Variants in NYNRIN observed in about 807,000 individuals in gnomAD.
The protein encoded by NYNRIN is NYN domain and retroviral integrase containing, also known as protein NYNRIN.
Under a neutral mutation model 146.6 loss-of-function variants are expected in NYNRIN, and 86 were observed. The ratio of observed to expected loss-of-function variants is 0.59; its 90% confidence interval spans 0.49 to 0.70. The LOEUF (loss-of-function observed/expected upper bound fraction) is 0.70. NYNRIN is among the 30% of genes least tolerant of loss of function. The pLI is 0.00. For missense variants in NYNRIN, 2,191 were observed against 2,377.7 expected, an observed-to-expected ratio of 0.92 and a Z score of 1.63; for synonymous variants, 1,027 against 1,001.3, an observed-to-expected ratio of 1.03 and a Z score of -0.48.
chr14:24,415,309 C>T lies in NYNRIN; in HGVS notation c.3560C>T (p.Ala1187Val), dbSNP rs1359575549. Reference sequence around the variant, plus strand: ...CACTCAGGGAGGAAGCACCCCATAGCCTATACCTCAAAACCCCTCCTCCCT... The same window carrying T: ...CACTCAGGGAGGAAGCACCCCATAGTCTATACCTCAAAACCCCTCCTCCCT... ...QEHSGRKHPI[A>V]YTSKPLLPDE... Residue 1187 changes from alanine to valine, a missense_variant, in exon 9 of 9, where the codon GCC becomes GTC. Ala to Val is a moderately conservative substitution (Grantham distance 64, BLOSUM62 0). Coordinates refer to ENST00000382554, the MANE Select transcript of NYNRIN (RefSeq NM_025081.3). 3.7e-6 allele frequency: 6 copies of T among 1,613,856 alleles called. No homozygotes were observed. The highest frequency in any genetic ancestry group is 5.1e-6 in the Non-Finnish European group (6 of 1,179,880).
rs1248053885 is a variant in NYNRIN at position 24,416,985 on chromosome 14, C to T, written c.5236C>T (p.Leu1746=). 1 of 1,585,372 alleles carries T rather than the reference C, an allele frequency of 6.3e-7. No individual in the cohort carries two copies. The highest frequency in any genetic ancestry group is 1.2e-5 in the South Asian group (1 of 86,916). ...KWAASLPLLH[L]AFRASSTDAT... ...GGCGGCCTCCCTGCCTTTGCTGCAC[C>T]TGGCCTTCAGGGCCTCCTCCACTGA... The change falls in exon 9 of 9, where the codon CTG becomes TTG. Residue 1746 remains leucine (L), a synonymous_variant. Coordinates refer to ENST00000382554, the MANE Select transcript of NYNRIN (RefSeq NM_025081.3).
intron 3 of NYNRIN, 35 bp downstream of exon 3, chr14:24,408,562 C>G: frequency 6.5e-7 from 1 of 1,542,156 alleles, no homozygotes; most frequent in East Asian, 2.3e-5. Flanking sequence ...CTTCTCTGAT[C>G]CTACCCCTGC....
rs376814274 is a variant in NYNRIN at position 24,413,355 on chromosome 14, G to T, written c.2784G>T (p.Val928=). ...CCTTTGCGGGGAATCTCTTCATGGT[G>T]CCTGATGACCCCCTGGGCCGTGATG... The part of the protein sequence containing the change: ...PFTFAGNLFM[V]PDDPLGRDGP... The change falls in exon 8 of 9, where the codon GTG becomes GTT. Residue 928 remains valine, a synonymous_variant. Coordinates refer to ENST00000382554, the MANE Select transcript of NYNRIN (RefSeq NM_025081.3). The T allele has an allele frequency of 6.8e-6, 11 of 1,613,602 alleles. No homozygotes were observed. The highest frequency in any genetic ancestry group is 9.3e-6 in the Non-Finnish European group (11 of 1,179,750).
At chr14:24,413,779 G>T (rs1363138151) in intron 8 of NYNRIN, among the ~76,000 whole-genome samples, 4 of 152,118 alleles carry the variant, frequency 2.6e-5, no homozygotes, top group Non-Finnish European at 5.9e-5. Flanking sequence ...CTGTTTTCTT[G>T]TTGAGGGCCA....
rs757122054 is a variant in NYNRIN, at chr14:24,409,282, G to C, written c.1488G>C (p.Gly496=). ...TPQLQAGGEP[G]DQGSMQLDFK... is the part of the protein sequence containing the mutation. ...AACTACAGGCTGGAGGTGAGCCGGGGGATCAAGGGAGTATGCAGTTAGATT... is the reference window on the plus strand; with the variant it reads ...AACTACAGGCTGGAGGTGAGCCGGGCGATCAAGGGAGTATGCAGTTAGATT... Residue 496 remains glycine (G), a synonymous_variant, in exon 4 of 9, where the codon GGG becomes GGC. Transcript: ENST00000382554. The C allele has an allele frequency of 6.8e-6, 11 of 1,613,936 alleles. No individual in the cohort carries two copies. The highest frequency in any genetic ancestry group is 7.6e-6 in the Non-Finnish European group (9 of 1,179,910).
At position 24,409,854 on chromosome 14, in the gene NYNRIN, C is replaced by T. The variant is rs554700851; in HGVS notation, c.2060C>T (p.Pro687Leu). The stretch of plus-strand genomic sequence containing the variant: ...AAAACACCTGCAGCTCAGAAGGTGC[C>T]CACGGATGCAGGGCCAACCTTGGAT... Reference protein sequence around the residue: ...APKTPAAQKVPTDAGPTLDVA... With the variant: ...APKTPAAQKVLTDAGPTLDVA... The change falls in exon 4 of 9, where the codon CCC becomes CTC. Residue 687 changes from proline to leucine, a missense_variant. Physicochemically the swap from Pro to Leu is moderately conservative, Grantham distance 98. Coordinates refer to ENST00000382554, the MANE Select transcript of NYNRIN (RefSeq NM_025081.3). 11 of 1,613,458 alleles carry T rather than the reference C, an allele frequency of 6.8e-6. No homozygotes were observed. The East Asian group carries it at 2.5e-4, about 36-fold the overall frequency.
rs1327723230 is a variant in NYNRIN at position 24,410,113 on chromosome 14, G to A, written c.2319G>A (p.Glu773=). 1.2e-6 allele frequency: 2 copies of A among 1,613,964 alleles called. No individual in the cohort carries two copies. The highest frequency in any genetic ancestry group is 1.7e-6 in the Non-Finnish European group (2 of 1,179,902). ...STVTSFQRYH[E]ALNTPFELNL... is the part of the protein sequence containing the mutation. Reference sequence around the variant, plus strand: ...TGACCAGCTTCCAGAGGTACCACGAGGCCCTGAATACACCCTTCGAGCTGA... The same window carrying A: ...TGACCAGCTTCCAGAGGTACCACGAAGCCCTGAATACACCCTTCGAGCTGA... The change falls in exon 4 of 9, where the codon GAG becomes GAA. Residue 773 remains glutamate, a synonymous_variant. Coordinates refer to ENST00000382554, the MANE Select transcript of NYNRIN (RefSeq NM_025081.3).
chr14:24,408,934 C>T lies in NYNRIN; in HGVS notation c.1140C>T (p.Ala380=). ...ATGAGCTGCATTCTCTACATCTGGCCTGGCTCCTGTCCCAGGCGTGCTTCA... is the reference window on the plus strand; with the variant it reads ...ATGAGCTGCATTCTCTACATCTGGCTTGGCTCCTGTCCCAGGCGTGCTTCA... The part of the protein sequence containing the change: ...RINELHSLHL[A]WLLSQACFNF... The change falls in exon 4 of 9, where the codon GCC becomes GCT. Residue 380 remains alanine (A), a synonymous_variant. Transcript: ENST00000382554. The T allele has an allele frequency of 6.2e-7, 1 of 1,614,016 alleles. No individual in the cohort carries two copies. Among genetic ancestry groups the T allele is most frequent in the South Asian group, 1.1e-5 (1 of 91,078 alleles).
In NYNRIN at chr14:24,411,661, G is replaced by A. The variant is rs1057463742; in HGVS notation, c.2642+211G>A. Among the ~76,000 whole-genome samples, 2 of 152,302 alleles carry A rather than the reference G, an allele frequency of 1.3e-5. No individual in the cohort carries two copies. The highest frequency in any genetic ancestry group is 4.8e-5 in the African/African-American group (2 of 41,572). On this transcript the variant is annotated intron_variant, in intron 6 of 8. Transcript: ENST00000382554. The surrounding 1 kb of genome is among the most constrained non-coding windows in gnomAD (Gnocchi z 4.3). ...CTTGAGGTTGGCTCTCCCCAAGCCC[G>A]GAGTTGTTTCTGACTTTGGGACTCT... is the stretch of plus-strand genomic sequence containing the variant.
Position 24,409,671 on chromosome 14 carries a change from A to G in NYNRIN, c.1877A>G (p.Gln626Arg), listed in dbSNP as rs757756582. ...QVEPTTPKTP[Q>R]AQKMPVAKTS... Reference sequence around the variant, plus strand: ...GAACCCACAACTCCAAAAACTCCCCAGGCTCAGAAGATGCCTGTAGCAAAA... The same window carrying G: ...GAACCCACAACTCCAAAAACTCCCCGGGCTCAGAAGATGCCTGTAGCAAAA... Residue 626 changes from glutamine (Q) to arginine (R), a missense_variant, in exon 4 of 9, where the codon CAG (glutamine) becomes CGG (arginine). Gln to Arg is a conservative substitution (Grantham distance 43, BLOSUM62 1). Transcript: ENST00000382554. 12 of 1,607,092 alleles carry G rather than the reference A, an allele frequency of 7.5e-6. No individual in the cohort carries two copies. In the Admixed American group the frequency reaches 8.5e-5, roughly 11 times the overall value.
chr14:24,405,923 A>G (rs940106533), intron 2 of NYNRIN, among the ~76,000 whole-genome samples: 2 of 152,106 alleles, frequency 1.3e-5, no homozygotes, highest in Non-Finnish European at 2.9e-5. Flanking sequence ...GCACTTTAGG[A>G]GTCTGAGGCG....
chr14:24,413,186 G>A, intron 7 of NYNRIN, 88 bp downstream of exon 7: 1 of 1,333,984 alleles, frequency 7.5e-7, no homozygotes, highest in Non-Finnish European at 1.1e-6. Flanking sequence ...CTGGAAGAGA[G>A]GCCTTGGAGT....
At position 24,408,928 on chromosome 14, in the gene NYNRIN, T is replaced by C; in HGVS notation, c.1134T>C (p.His378=). 1 of 1,614,008 alleles carries C rather than the reference T, an allele frequency of 6.2e-7. No homozygotes were observed. Among genetic ancestry groups the C allele is most frequent in the Non-Finnish European group, 8.5e-7 (1 of 1,179,896 alleles). The part of the protein sequence containing the change: ...FWRINELHSL[H]LAWLLSQACF... ...GGATCAATGAGCTGCATTCTCTACATCTGGCCTGGCTCCTGTCCCAGGCGT... is the reference window on the plus strand; with the variant it reads ...GGATCAATGAGCTGCATTCTCTACACCTGGCCTGGCTCCTGTCCCAGGCGT... The change falls in exon 4 of 9, where the codon CAT becomes CAC. Residue 378 remains histidine, a synonymous_variant. Transcript: ENST00000382554.
At chr14:24,406,201 A>AAAAATAAAATAAAATAAAATAAT (rs2042873999) in intron 2 of NYNRIN, among the ~76,000 whole-genome samples, 1 of 127,860 alleles carries the variant, frequency 7.8e-6, no homozygotes, top group Non-Finnish European at 1.6e-5. Context: ...CTCTGCCTCA[A>AAAAATAAAATAAAATAAAATAAT]AAAATAAAAT....
chr14:24,417,306 G>T lies in NYNRIN; in HGVS notation c.5557G>T (p.Gly1853Trp). 1 of 1,613,308 alleles carries T rather than the reference G, an allele frequency of 6.2e-7. No individual in the cohort carries two copies. Among genetic ancestry groups the T allele is most frequent in the Non-Finnish European group, 8.5e-7 (1 of 1,179,588 alleles). Residue 1853 changes from glycine (G) to tryptophan (W), a missense_variant, in exon 9 of 9, where the codon GGG becomes TGG. Gly to Trp is a radical substitution (Grantham distance 184, BLOSUM62 -2). Coordinates refer to ENST00000382554, the MANE Select transcript of NYNRIN (RefSeq NM_025081.3). ...SAKWVGPFYI[G>W]DRLSLSLYRI... is the part of the protein sequence containing the mutation. The stretch of plus-strand genomic sequence containing the variant: ...CAAATGGGTGGGTCCCTTCTATATC[G>T]GGGACCGGCTGAGCCTGTCACTCTA...
rs767253660 is a variant in NYNRIN, at chr14:24,409,515, G to A, written c.1721G>A (p.Arg574Gln). The A allele has an allele frequency of 4.3e-6, 7 of 1,613,166 alleles. No homozygotes were observed. Among genetic ancestry groups the A allele is most frequent in the South Asian group, 2.2e-5 (2 of 90,922 alleles). Residue 574 changes from arginine to glutamine, a missense_variant, in exon 4 of 9, where the codon CGA (arginine) becomes CAA (glutamine). Around this residue, in one of 3 missense-constraint regions of NYNRIN, gnomAD observed 895 missense variants for 941.2 expected, o/e 0.95. Coordinates refer to ENST00000382554, the MANE Select transcript of NYNRIN (RefSeq NM_025081.3). ...GCAGCTCCCAAACTGCCTACATCTC[G>A]AATGATGCTGGCAGTGCACACAGAG... ...PSAAPKLPTSRMMLAVHTEPA... is the reference protein window; with the variant it reads ...PSAAPKLPTSQMMLAVHTEPA...
chr14:24,408,518 A>G lies in NYNRIN; in HGVS notation c.848A>G (p.Gln283Arg), dbSNP rs748289213. 5.9e-5 allele frequency: 92 copies of G among 1,572,260 alleles called. No homozygotes were observed. The East Asian group carries it at 1.8e-3, about 31-fold the overall frequency. The change falls in exon 3 of 9, where the codon CAG becomes CGG. Residue 283 changes from glutamine to arginine, a missense_variant. Around this residue, in one of 3 missense-constraint regions of NYNRIN, gnomAD observed 895 missense variants for 941.2 expected, o/e 0.95. Coordinates refer to ENST00000382554, the MANE Select transcript of NYNRIN (RefSeq NM_025081.3). ...AQSTPQEAAN[Q>R]LVRVGSNNQD... Reference sequence around the variant, plus strand: ...AGCACACCGCAGGAGGCAGCAAACCAGCTGGTACGGTAAGTTCTGGAGAAT... The same window carrying G: ...AGCACACCGCAGGAGGCAGCAAACCGGCTGGTACGGTAAGTTCTGGAGAAT...
At chr14:24,402,996 A>G (rs753201082) in intron 2 of NYNRIN, among the ~76,000 whole-genome samples, 7 of 152,172 alleles carry the variant, frequency 4.6e-5, no homozygotes, top group Non-Finnish European at 1.0e-4. Context: ...ATTGTCTTTT[A>G]ATTAATTGAC....
chr14:24,404,480 C>G (rs2042864439), intron 2 of NYNRIN, among the ~76,000 whole-genome samples: 1 of 152,126 alleles, frequency 6.6e-6, no homozygotes, highest in African/African-American at 2.4e-5. Flanking sequence ...TTTTCTTCTC[C>G]CCCCTAGTTT....
Sources: gnomAD v4.1 joint callset for allele counts (sites outside exome capture counted in the v4.1 genomes callset) on GRCh38, gnomAD v4.1.1 for gene constraint, gnomAD v4.1.1 regional missense constraint, Gnocchi (gnomAD v3.1) non-coding constraint, MANE v1.5 for transcripts, NCBI Gene and HGNC (gene_info 2026-07-23, HGNC 2026-07-21) for gene names.